Variants in CCDC83 observed in about 807,000 individuals in gnomAD.
The protein encoded by CCDC83 is coiled-coil domain-containing protein 83.
In CCDC83, 54 loss-of-function variants were observed where a neutral mutation model predicts 50.1. The observed-to-expected ratio is 1.08, with a 90% CI of 0.87 to 1.35. The LOEUF is 1.35. Among genes scored for constraint, CCDC83 ranks in the 40% most tolerant of loss-of-function variants. The pLI is 0.00. For synonymous variants in CCDC83, 161 were observed against 153.3 expected, an observed-to-expected ratio of 1.05 and a Z score of -0.37; for missense variants, 518 against 473.9, an observed-to-expected ratio of 1.09 and a Z score of -0.86.
At chr11:85,869,525 T>C (rs2093225820) in intron 2 of CCDC83, among the ~76,000 whole-genome samples, 1 of 152,178 alleles carries the variant, frequency 6.6e-6, no homozygotes, top group Admixed American at 6.5e-5. Context: ...TGAAATTGCA[T>C]GGGTGGGGGG....
chr11:85,882,381 T>G, intron 3 of CCDC83, 132 bp from the exon 4 acceptor site: 1 of 741,530 alleles, frequency 1.3e-6, no homozygotes, highest in Non-Finnish European at 2.3e-6. Flanking sequence ...TAATGTCTGA[T>G]GGAAGTAGAA....
chr11:85,896,366 A>C (rs1398710848), intron 6 of CCDC83, among the ~76,000 whole-genome samples: 1 of 134,644 alleles, frequency 7.4e-6, no homozygotes, highest in Non-Finnish European at 1.5e-5. Context: ...GCGCCACTGC[A>C]CTCCAGCATG....
chr11:85,912,449 C>T (rs1345478345), intron 8 of CCDC83, among the ~76,000 whole-genome samples: 1 of 152,140 alleles, frequency 6.6e-6, no homozygotes, highest in Non-Finnish European at 1.5e-5. Flanking sequence ...AGGCCATCTG[C>T]CCCCTTTGCA....
intron 1 of CCDC83, among the ~76,000 whole-genome samples, chr11:85,856,184 CAAAAAAAAAAA>C (rs370054964): frequency 2.1e-5 from 2 of 94,880 alleles, no homozygotes; most frequent in Admixed American, 2.3e-4. Context: ...CTATCTAAGC[CAAAAAAAAAAA>C]AAAAAAAAGG....
In CCDC83 at chr11:85,919,440, T is replaced by A. The variant is rs1423535958; in HGVS notation, c.1172T>A (p.Val391Asp). The A allele has an allele frequency of 1.2e-6, 2 of 1,613,172 alleles. No homozygotes were observed. Among genetic ancestry groups the A allele is most frequent in the South Asian group, 2.2e-5 (2 of 91,032 alleles). The change falls in exon 11 of 11, where the codon GTC (valine) becomes GAC (aspartate). Residue 391 changes from valine to aspartate, a missense_variant. Coordinates refer to ENST00000342404, the MANE Select transcript of CCDC83 (RefSeq NM_001286159.2). ...PIHFQEKEIP[V>D]KLYKDVRSPE... ...CATTTTCAAGAGAAGGAAATTCCAG[T>A]CAAACTCTATAAAGATGTCAGGAGC...
chr11:85,917,206 G>A (rs2093484681), intron 10 of CCDC83, among the ~76,000 whole-genome samples: 1 of 125,172 alleles, frequency 8.0e-6, no homozygotes, highest in Non-Finnish European at 1.7e-5. Context: ...AAGAAAGAAA[G>A]AAGGAAAGAA....
chr11:85,910,674 T>C (rs1186013068), intron 7 of CCDC83, among the ~76,000 whole-genome samples: 1 of 152,224 alleles, frequency 6.6e-6, no homozygotes, highest in Non-Finnish European at 1.5e-5. Context: ...TCAGCAGTGT[T>C]TTTGAAGGGT....
rs1395947307 is a variant in CCDC83, at chr11:85,882,575, A to C, written c.243A>C (p.Glu81Asp). Residue 81 changes from glutamate (E) to aspartate (D), a missense_variant, in exon 4 of 11, where the codon GAA becomes GAC. Physicochemically the swap from Glu to Asp is conservative, Grantham distance 45. Coordinates refer to ENST00000342404, the MANE Select transcript of CCDC83 (RefSeq NM_001286159.2). The part of the protein sequence containing the change: ...HIRHLLKELS[E>D]EKAEGLPVVT... ...GGCATCTACTAAAGGAACTGAGTGA[A>C]GAGAAGGCAGAGGGATTGCCAGTTG... 1 of 1,613,842 alleles carries C rather than the reference A, an allele frequency of 6.2e-7. No homozygotes were observed. Among genetic ancestry groups the C allele is most frequent in the African/African-American group, 1.3e-5 (1 of 74,930 alleles).
chr11:85,869,105 A>G (rs945034634), intron 2 of CCDC83, among the ~76,000 whole-genome samples: 5 of 152,212 alleles, frequency 3.3e-5, no homozygotes, highest in African/African-American at 1.2e-4. Flanking sequence ...ACGTACTAAC[A>G]CTCAGTGATG....
intron 10 of CCDC83, among the ~76,000 whole-genome samples, chr11:85,917,412 T>C (rs2093487507): frequency 6.6e-6 from 1 of 152,160 alleles, no homozygotes; most frequent in Non-Finnish European, 1.5e-5. Context: ...GGAAGGAACA[T>C]AGCTCCTACA....
At chr11:85,905,917 T>A (rs1215833825) in intron 7 of CCDC83, among the ~76,000 whole-genome samples, 3 of 125,824 alleles carry the variant, frequency 2.4e-5, no homozygotes. Flanking sequence ...TGCAGTGAGC[T>A]GAGATCCTGC....
At chr11:85,901,182 C>T (rs1288142591) in intron 7 of CCDC83, among the ~76,000 whole-genome samples, 3 of 151,982 alleles carry the variant, frequency 2.0e-5, no homozygotes, top group Non-Finnish European at 4.4e-5. Flanking sequence ...GCCTAGGCAA[C>T]ATGGTGAAAC....
At chr11:85,904,060 T>A (rs1028612224) in intron 7 of CCDC83, among the ~76,000 whole-genome samples, 4 of 152,014 alleles carry the variant, frequency 2.6e-5, no homozygotes, top group African/African-American at 9.7e-5. Context: ...ATAAACCTGG[T>A]CTTGTCAATC....
chr11:85,919,062 C>A (rs933763694), intron 10 of CCDC83, among the ~76,000 whole-genome samples: 3 of 152,184 alleles, frequency 2.0e-5, no homozygotes, highest in Non-Finnish European at 4.4e-5. Flanking sequence ...TAGCCAGCAT[C>A]CCTCCCCCAT....
chr11:85,893,712 A>T (rs941838327), intron 5 of CCDC83, among the ~76,000 whole-genome samples: 11 of 152,162 alleles, frequency 7.2e-5, no homozygotes, highest in African/African-American at 2.7e-4. Flanking sequence ...TTCTTTTAGG[A>T]GCGCAAACCC....
chr11:85,913,501 C>A (rs2093464238), intron 8 of CCDC83, among the ~76,000 whole-genome samples: 1 of 152,176 alleles, frequency 6.6e-6, no homozygotes, highest in African/African-American at 2.4e-5. Context: ...CATATTATAT[C>A]TTTTTGGTAA....
chr11:85,878,347 C>T (rs777382407), intron 3 of CCDC83, among the ~76,000 whole-genome samples: 5 of 152,188 alleles, frequency 3.3e-5, no homozygotes, highest in Non-Finnish European at 5.9e-5. Context: ...CCCAGTTCTG[C>T]CCCCTCATTA....
At position 85,855,947 on chromosome 11, in the gene CCDC83, A is replaced by C. The variant is rs1186323343; in HGVS notation, c.-29+363A>C. On this transcript the variant is annotated intron_variant, in intron 1 of 10. Transcript: ENST00000342404. ...CGCTGTAGGTACTTCATATGTGCTA[A>C]GTGTGTTATTGATGTCTTTTACCCT... 2.6e-5 allele frequency among the ~76,000 whole-genome samples: 4 copies of C among 152,338 alleles called. No individual in the cohort carries two copies. In the East Asian group the frequency reaches 7.7e-4, roughly 29 times the overall value.
At chr11:85,895,982 C>G (rs902553909) in intron 6 of CCDC83, among the ~76,000 whole-genome samples, 2 of 152,048 alleles carry the variant, frequency 1.3e-5, no homozygotes, top group Non-Finnish European at 2.9e-5. Flanking sequence ...CTTGGCTAAT[C>G]AGTGAATTAT....
Sources: allele counts gnomAD v4.1 joint callset (sites outside exome capture counted in the v4.1 genomes callset), GRCh38; gene constraint gnomAD v4.1.1; transcripts MANE v1.5; gene names NCBI Gene and HGNC (gene_info 2026-07-23, HGNC 2026-07-21).